Variants in MMACHC observed in about 807,000 individuals in gnomAD.
MMACHC encodes the protein metabolism of cobalamin associated C.
A neutral mutation model predicts 17.6 loss-of-function variants in MMACHC; 14 were observed. The observed-to-expected ratio is 0.80, with a 90% confidence interval of 0.53 to 1.25. The LOEUF (loss-of-function observed/expected upper bound fraction) is 1.25. Among genes scored for constraint, MMACHC ranks in the 50% most tolerant of loss-of-function variants. The pLI, the probability that MMACHC is intolerant of heterozygous loss-of-function variation, is 0.00. For missense variants in MMACHC, 392 were observed against 364.5 expected, an observed-to-expected ratio of 1.08 and a Z score of -0.62; for synonymous variants, 151 against 142.1, an observed-to-expected ratio of 1.06 and a Z score of -0.45.
Position 45,508,856 on chromosome 1 carries a change from G to A in MMACHC, c.490G>A (p.Val164Met), listed in dbSNP as rs1417321919. 6.2e-7 allele frequency: 1 copy of A among 1,614,194 alleles called. No individual in the cohort carries two copies. The highest frequency in any genetic ancestry group is 1.3e-5 in the African/African-American group (1 of 75,060). ...FGGWFAIRGV[V>M]LLPGIEVPDL... ...GGGCTGGTTTGCCATCCGAGGGGTAGTGCTGCTGCCAGGGATAGAGGTGCC... is the reference window on the plus strand; with the variant it reads ...GGGCTGGTTTGCCATCCGAGGGGTAATGCTGCTGCCAGGGATAGAGGTGCC... Residue 164 changes from valine (V) to methionine (M), a missense_variant, in exon 4 of 4, where the codon GTG becomes ATG. Coordinates refer to ENST00000401061, the MANE Select transcript of MMACHC (RefSeq NM_015506.3).
At chr1:45,507,683 A>G in intron 2 of MMACHC, 133 bp downstream of exon 2, 1 of 1,052,998 alleles carries the variant, frequency 9.5e-7, no homozygotes, top group Non-Finnish European at 1.4e-6. Flanking sequence ...GCCAGGCTTG[A>G]CATTCTGTGA....
chr1:45,511,311 A>T lies in MMACHC; in HGVS notation c.*2096A>T. 1 of 1,591,462 alleles carries T rather than the reference A, an allele frequency of 6.3e-7. No individual in the cohort carries two copies. The highest frequency in any genetic ancestry group is 8.6e-7 in the Non-Finnish European group (1 of 1,167,516). On this transcript the variant is annotated 3_prime_UTR_variant, in exon 4 of 4. Coordinates refer to ENST00000401061, the MANE Select transcript of MMACHC (RefSeq NM_015506.3). ...TCATGGCTGCCCACCGCAGCCTGGC[A>T]CTAAAACAGCCCAGCGCTCACTTCT...
chr1:45,504,457 T>C (rs1412425382), intron 1 of MMACHC, among the ~76,000 whole-genome samples: 1 of 152,124 alleles, frequency 6.6e-6, no homozygotes, highest in Non-Finnish European at 1.5e-5. Flanking sequence ...TAGGGGTTTG[T>C]AGACTAATAT....
rs1643749539 is a variant in MMACHC, at chr1:45,511,727, T to A, written c.*2512T>A. On this transcript the variant is annotated 3_prime_UTR_variant, in exon 4 of 4. Coordinates refer to ENST00000401061, the MANE Select transcript of MMACHC (RefSeq NM_015506.3). ...TCCTTAAGGGGAAAAAAAAGCTAAA[T>A]AAACGACACACATAGGACTATGTAA... The A allele has an allele frequency of 4.5e-6, 1 of 221,256 alleles. No individual in the cohort carries two copies. Among genetic ancestry groups the A allele is most frequent in the African/African-American group, 2.3e-5 (1 of 43,552 alleles). The allele number at this position is 221,256 out of a possible 1,614,324, so 13.7% of individuals were successfully genotyped here.
chr1:45,503,947 C>T (rs1643580117), intron 1 of MMACHC, among the ~76,000 whole-genome samples: 1 of 152,246 alleles, frequency 6.6e-6, no homozygotes, highest in African/African-American at 2.4e-5. Flanking sequence ...CTTCTTGTGA[C>T]ATCTCTTCTC....
rs940632369 is a variant in MMACHC at position 45,512,991 on chromosome 1, T to C, written c.*3776T>C. 2 of 152,148 alleles carry C rather than the reference T, an allele frequency of 1.3e-5. No homozygotes were observed. Among genetic ancestry groups the C allele is most frequent in the Admixed American group, 1.3e-4 (2 of 15,282 alleles). 9.4% of individuals were successfully genotyped at this position (152,148 alleles called of 1,614,324 possible). A position where few individuals can be genotyped will look rare whatever the true frequency, so the allele number is the denominator to read the frequency against. On this transcript the variant is annotated 3_prime_UTR_variant, in exon 4 of 4. Transcript: ENST00000401061. ...ACTAATCCAGACTCTAATAACTTCA[T>C]TTCCTTTAAATTACAAGATCAGAGC...
Position 45,509,386 on chromosome 1 carries a change from G to C in MMACHC, c.*171G>C, listed in dbSNP as rs544461302. On this transcript the variant is annotated 3_prime_UTR_variant, in exon 4 of 4. Coordinates refer to ENST00000401061, the MANE Select transcript of MMACHC (RefSeq NM_015506.3). The stretch of plus-strand genomic sequence containing the variant: ...AGGTTTGGCCAAGATAAAGGCCAGG[G>C]AACCAGAATTCCCATCTGCCTTCAA... 3.0e-6 allele frequency: 2 copies of C among 672,972 alleles called. No individual in the cohort carries two copies. Among genetic ancestry groups the C allele is most frequent in the Non-Finnish European group, 4.8e-6 (2 of 417,694 alleles). 41.7% of individuals were successfully genotyped at this position (672,972 alleles called of 1,614,324 possible). A position where few individuals can be genotyped will look rare whatever the true frequency, so the allele number is the denominator to read the frequency against.
At chr1:45,506,892 T>C (rs1391830153) in intron 1 of MMACHC, among the ~76,000 whole-genome samples, 1 of 151,508 alleles carries the variant, frequency 6.6e-6, no homozygotes, top group Non-Finnish European at 1.5e-5. Context: ...CCAGGCTCGG[T>C]GGCTCACGCC....
chr1:45,506,536 G>A (rs1473120487), intron 1 of MMACHC, among the ~76,000 whole-genome samples: 1 of 151,940 alleles, frequency 6.6e-6, no homozygotes, highest in Non-Finnish European at 1.5e-5. Context: ...GCCCAGGCTG[G>A]AGTGCAGTGG....
chr1:45,500,817 T>C (rs956711199), intron 1 of MMACHC, among the ~76,000 whole-genome samples: 5 of 149,236 alleles, frequency 3.4e-5, no homozygotes, highest in Non-Finnish European at 7.4e-5. Context: ...TGAGCCGAGA[T>C]TGCGCCATTG....
At chr1:45,503,141 T>C (rs1643570580) in intron 1 of MMACHC, among the ~76,000 whole-genome samples, 1 of 152,136 alleles carries the variant, frequency 6.6e-6, no homozygotes, top group Non-Finnish European at 1.5e-5. Flanking sequence ...GGTTCTCACC[T>C]ATATCCCAGC....
rs369990884 is a variant in MMACHC, at chr1:45,509,069, G to T, written c.703G>T (p.Gly235Cys). Residue 235 changes from glycine to cysteine, a missense_variant, in exon 4 of 4, where the codon GGC becomes TGC. Transcript: ENST00000401061. ...TPPAQRLALL[G>C]LAQPSEKPSS... Reference sequence around the variant, plus strand: ...ACCTGCCCAACGATTGGCCCTATTGGGCTTGGCTCAGCCCTCAGAGAAGCC... The same window carrying T: ...ACCTGCCCAACGATTGGCCCTATTGTGCTTGGCTCAGCCCTCAGAGAAGCC... 5.0e-6 allele frequency: 8 copies of T among 1,613,464 alleles called. No homozygotes were observed. Among genetic ancestry groups the T allele is most frequent in the Non-Finnish European group, 6.8e-6 (8 of 1,179,660 alleles).
Position 45,508,367 on chromosome 1 carries a change from G to A in MMACHC, c.429+3G>A. On this transcript the variant is annotated splice_donor_region_variant and intron_variant, in intron 3 of 3. Coordinates refer to ENST00000401061, the MANE Select transcript of MMACHC (RefSeq NM_015506.3). ...AGGCTGACCCATGGGGGAACCAGGT[G>A]AGAGGGAAAATGTAAATAGAGGCTG... The A allele has an allele frequency of 2.5e-6, 4 of 1,614,142 alleles. No individual in the cohort carries two copies. Among genetic ancestry groups the A allele is most frequent in the Non-Finnish European group, 3.4e-6 (4 of 1,180,026 alleles).
intron 1 of MMACHC, 99 bp from the exon 2 acceptor site, chr1:45,507,253 AGATG>A (rs1258370279): frequency 2.9e-6 from 3 of 1,020,794 alleles, no homozygotes; most frequent in East Asian, 2.6e-5. Context: ...TGAATGAGTG[AGATG>A]GAGGCTGGGG....
In MMACHC at chr1:45,509,235, T is replaced by C. The variant is rs376765500; in HGVS notation, c.*20T>C. 28 of 1,613,752 alleles carry C rather than the reference T, an allele frequency of 1.7e-5. No individual in the cohort carries two copies. In the African/African-American group the frequency reaches 2.4e-4, roughly 14 times the overall value. ...CCTTGATTTTCTCCCATGTGGACCCTGATTTATGGTGGTACTTGCTAGGAC... is the reference window on the plus strand; with the variant it reads ...CCTTGATTTTCTCCCATGTGGACCCCGATTTATGGTGGTACTTGCTAGGAC... On this transcript the variant is annotated 3_prime_UTR_variant, in exon 4 of 4. Transcript: ENST00000401061.
At chr1:45,500,444 G>A (rs1557604179) in intron 1 of MMACHC, 31 bp downstream of exon 1, 2 of 1,606,600 alleles carry the variant, frequency 1.2e-6, no homozygotes, top group East Asian at 2.2e-5. Context: ...GTTCTAGGGC[G>A]AAATATATGA....
rs576602090 is a variant in MMACHC at position 45,511,503 on chromosome 1, C to T, written c.*2288C>T. ...GGACAAAACCAGTTCTGCACCTGAA[C>T]ACTCAGATACCAGGAAACCTACCCC... is the stretch of plus-strand genomic sequence containing the variant. On this transcript the variant is annotated 3_prime_UTR_variant, in exon 4 of 4. Transcript: ENST00000401061. 21 of 1,035,180 alleles carry T rather than the reference C, an allele frequency of 2.0e-5. No individual in the cohort carries two copies. The South Asian group carries it at 3.2e-4, about 16-fold the overall frequency. The allele number at this position is 1,035,180 out of a possible 1,614,324, so 64.1% of individuals were successfully genotyped here.
In MMACHC at chr1:45,510,195, G is replaced by C. The variant is rs1643715802; in HGVS notation, c.*980G>C. 6.6e-6 allele frequency: 1 copy of C among 152,184 alleles called. No homozygotes were observed. Among genetic ancestry groups the C allele is most frequent in the Non-Finnish European group, 1.5e-5 (1 of 68,082 alleles). 9.4% of individuals were successfully genotyped at this position (152,184 alleles called of 1,614,324 possible). On this transcript the variant is annotated 3_prime_UTR_variant, in exon 4 of 4. Transcript: ENST00000401061. ...ATGTTGGCCATTACCAAAGGCCCTG[G>C]GAATTCTGTACTGCTGCTCATGGGT...
chr1:45,503,273 C>T (rs546725474), intron 1 of MMACHC, among the ~76,000 whole-genome samples: 40 of 152,052 alleles, frequency 2.6e-4, no homozygotes, highest in Admixed American at 3.9e-4. Flanking sequence ...TGGTGTGCAC[C>T]TGTAATCCCG....
Sources: gnomAD v4.1 joint callset for allele counts (sites outside exome capture counted in the v4.1 genomes callset) on GRCh38, gnomAD v4.1.1 for gene constraint, MANE v1.5 for transcripts, NCBI Gene and HGNC (gene_info 2026-07-23, HGNC 2026-07-21) for gene names.